Variants in CAST observed in about 807,000 individuals in gnomAD.
CAST encodes calpastatin.
Under a neutral mutation model 119.6 loss-of-function variants are expected in CAST, and 76 were observed. That is an observed-to-expected ratio of 0.64 (90% CI 0.53 to 0.77). The LOEUF (loss-of-function observed/expected upper bound fraction) is 0.77. Among genes scored for constraint, CAST ranks in the 30% least tolerant of loss-of-function variants. The pLI is 0.00. For synonymous variants in CAST, 319 were observed against 331.6 expected, an observed-to-expected ratio of 0.96 and a Z score of 0.41; for missense variants, 953 against 946.5, an observed-to-expected ratio of 1.01 and a Z score of -0.09.
chr5:96,373,673 A>C, the CAST span, among the ~76,000 whole-genome samples: 1 of 152,204 alleles, frequency 6.6e-6, no homozygotes, highest in Non-Finnish European at 1.5e-5. Context: ...GCTTAAGAGC[A>C]CTACCTAAGC....
the CAST span, among the ~76,000 whole-genome samples, chr5:96,186,116 T>C: frequency 6.6e-6 from 1 of 152,204 alleles, no homozygotes; most frequent in Non-Finnish European, 1.5e-5. Flanking sequence ...GTAGCAATTG[T>C]GAATGGGAAT....
the CAST span, among the ~76,000 whole-genome samples, chr5:96,452,638 A>ACT: frequency 2.2e-5 from 2 of 91,282 alleles, no homozygotes; most frequent in Non-Finnish European, 4.6e-5. Flanking sequence ...CTTAAAGTAT[A>ACT]ATAAAAAAAA....
chr5:96,398,161 C>T, the CAST span, among the ~76,000 whole-genome samples: 5 of 152,106 alleles, frequency 3.3e-5, no homozygotes, highest in Admixed American at 3.3e-4. Flanking sequence ...GAAAGCATAA[C>T]TTCAAAATTA....
intron 1 of CAST, among the ~76,000 whole-genome samples, chr5:96,607,098 C>A (rs995780740): frequency 1.3e-5 from 2 of 152,110 alleles, no homozygotes; most frequent in African/African-American, 4.8e-5. Context: ...ACCATCCTGG[C>A]TATCACAGGG....
At chr5:96,233,592 A>G in the CAST span, among the ~76,000 whole-genome samples, 1 of 152,124 alleles carries the variant, frequency 6.6e-6, no homozygotes. Flanking sequence ...CCATAACTGA[A>G]ATCTGGACAG....
At chr5:96,199,721 T>C in the CAST span, among the ~76,000 whole-genome samples, 9 of 152,320 alleles carry the variant, frequency 5.9e-5, no homozygotes, top group African/African-American at 2.2e-4. Context: ...ATTTTGTTGT[T>C]GTTAGAAAAC....
chr5:96,484,224 C>T, the CAST span, among the ~76,000 whole-genome samples: 2 of 152,104 alleles, frequency 1.3e-5, no homozygotes, highest in South Asian at 4.1e-4. Flanking sequence ...CCCAAGGTTG[C>T]CATTACCAAT....
At chr5:96,385,970 T>G in the CAST span, among the ~76,000 whole-genome samples, 1 of 152,230 alleles carries the variant, frequency 6.6e-6, no homozygotes, top group African/African-American at 2.4e-5. Flanking sequence ...CCTTGCTATC[T>G]GCATGACCTT....
At chr5:96,389,947 A>G in the CAST span, among the ~76,000 whole-genome samples, 3 of 152,134 alleles carry the variant, frequency 2.0e-5, no homozygotes, top group Non-Finnish European at 4.4e-5. Context: ...GAAAAAAAAA[A>G]AGTTGGAACT....
the CAST span, chr5:96,392,881 G>A: frequency 3.9e-5 from 39 of 1,006,020 alleles, no homozygotes; most frequent in Non-Finnish European, 5.4e-5. Flanking sequence ...AAAAGAAAAG[G>A]TGCCACAAAG....
rs1773542142 is a variant in CAST at position 96,774,333 on chromosome 5, A to T, written c.*1717A>T. The T allele has an allele frequency of 4.6e-6, 1 of 218,162 alleles. No homozygotes were observed. The highest frequency in any genetic ancestry group is 1.6e-4 in the South Asian group (1 of 6,106). The allele number at this position is 218,162 out of a possible 1,614,324, so 13.5% of individuals were successfully genotyped here. ...ATAAAAGTAAACAACATTTATTTAA[A>T]AAGAACTCTGAATATGCCTTCTTTT... On this transcript the variant is annotated 3_prime_UTR_variant, in exon 32 of 32. Coordinates refer to ENST00000675179, the MANE Select transcript of CAST (RefSeq NM_001750.7).
the CAST span, among the ~76,000 whole-genome samples, chr5:96,323,688 T>A: frequency 1.3e-5 from 2 of 152,356 alleles, no homozygotes; most frequent in Admixed American, 1.3e-4. Flanking sequence ...GTGTTCATTT[T>A]TAGTTTTTAA....
At chr5:96,549,024 G>C (rs904223056) in intron 1 of CAST, among the ~76,000 whole-genome samples, 8 of 152,214 alleles carry the variant, frequency 5.3e-5, no homozygotes, top group Admixed American at 2.0e-4. Context: ...ACCAGGAAGA[G>C]AAGCATCCTT....
chr5:96,387,579 T>C, the CAST span, among the ~76,000 whole-genome samples: 2 of 152,164 alleles, frequency 1.3e-5, no homozygotes, highest in Admixed American at 1.3e-4. Context: ...ATTTATACTA[T>C]TCAGTAAGCA....
chr5:96,676,632 GT>G (rs1750742688), intron 2 of CAST, among the ~76,000 whole-genome samples: 1 of 151,344 alleles, frequency 6.6e-6, no homozygotes, highest in African/African-American at 2.4e-5. Flanking sequence ...AAAGGCAAAT[GT>G]TTCTTTAAAA....
chr5:96,766,039 C>A lies in CAST; in HGVS notation c.2038-14C>A, dbSNP rs767181091. 1.1e-5 allele frequency: 16 copies of A among 1,398,698 alleles called. No homozygotes were observed. The highest frequency in any genetic ancestry group is 1.5e-5 in the Non-Finnish European group (15 of 988,132). 86.6% of individuals were successfully genotyped at this position (1,398,698 alleles called of 1,614,324 possible). ...GAAATGAATATTAATTCTATCTGCT[C>A]ACTGTTGATATAGGAAAAAGCTAAA... On this transcript the variant is annotated splice_polypyrimidine_tract_variant and intron_variant, in intron 26 of 31. Transcript: ENST00000675179.
the CAST span, among the ~76,000 whole-genome samples, chr5:96,185,850 A>G: frequency 6.6e-6 from 1 of 151,956 alleles, no homozygotes; most frequent in African/African-American, 2.4e-5. Flanking sequence ...TTGGTTCCAT[A>G]TGAATTTTAA....
the CAST span, among the ~76,000 whole-genome samples, chr5:96,277,742 TTAAG>T: frequency 1.8e-4 from 27 of 152,074 alleles, no homozygotes; most frequent in African/African-American, 5.6e-4. Context: ...AACATCATCA[TTAAG>T]TAAGGTTTTT....
chr5:96,416,780 G>A, the CAST span, among the ~76,000 whole-genome samples: 1 of 152,190 alleles, frequency 6.6e-6, no homozygotes, highest in African/African-American at 2.4e-5. Context: ...CCAGAAGCCT[G>A]AACATGATTG....
Sources: allele counts gnomAD v4.1 joint callset (sites outside exome capture counted in the v4.1 genomes callset), GRCh38; gene constraint gnomAD v4.1.1; transcripts MANE v1.5; gene names NCBI Gene and HGNC (gene_info 2026-07-23, HGNC 2026-07-21).